The following SLCO4C1 variants were observed in gnomAD, a reference collection of about 807,000 sequenced individuals.
SLCO4C1 encodes solute carrier organic anion transporter family member 4C1.
A neutral mutation model predicts 72.1 loss-of-function variants in SLCO4C1; 58 were observed. That is an observed-to-expected ratio of 0.80 (90% CI 0.65 to 1.00). The LOEUF (loss-of-function observed/expected upper bound fraction) is 1.00. SLCO4C1 is among the 50% of genes least tolerant of loss of function. The pLI is 0.00. For synonymous variants in SLCO4C1, 297 were observed against 312.5 expected (o/e 0.95, Z 0.52); for missense variants, 898 against 857.9 (o/e 1.05, Z -0.58).
intron 8 of SLCO4C1, among the ~76,000 whole-genome samples, chr5:102,251,245 C>G (rs1481910800): frequency 6.6e-6 from 1 of 152,098 alleles, no homozygotes; most frequent in Non-Finnish European, 1.5e-5. Flanking sequence ...GAAAGTGACA[C>G]TGTCAAAAGT....
chr5:102,283,606 G>T (rs1361742021), intron 2 of SLCO4C1, among the ~76,000 whole-genome samples: 1 of 138,952 alleles, frequency 7.2e-6, no homozygotes, highest in Non-Finnish European at 1.6e-5. Flanking sequence ...AAAAAAAAAA[G>T]ACATTGCTTA....
chr5:102,278,095 C>A (rs1749281912), intron 2 of SLCO4C1, among the ~76,000 whole-genome samples: 1 of 151,986 alleles, frequency 6.6e-6, no homozygotes, highest in South Asian at 2.1e-4. Context: ...AACAACCCAA[C>A]TATGCCATCT....
chr5:102,281,508 C>A (rs1435067076), intron 2 of SLCO4C1, among the ~76,000 whole-genome samples: 1 of 151,946 alleles, frequency 6.6e-6, no homozygotes, highest in African/African-American at 2.4e-5. Context: ...AAAAGACATG[C>A]TACAGACTGG....
intron 8 of SLCO4C1, among the ~76,000 whole-genome samples, chr5:102,254,358 C>A (rs1748795529): frequency 1.3e-5 from 2 of 152,110 alleles, no homozygotes; most frequent in East Asian, 3.9e-4. Flanking sequence ...AGTACACGAT[C>A]AGTTTATGTC....
intron 1 of SLCO4C1, 55 bp from the exon 2 acceptor site, chr5:102,291,661 T>C: frequency 4.2e-6 from 6 of 1,430,338 alleles, no homozygotes; most frequent in Non-Finnish European, 4.8e-6. Context: ...ACGATTAAGA[T>C]TATTAACACA....
At chr5:102,277,126 T>C (rs576634831) in intron 2 of SLCO4C1, among the ~76,000 whole-genome samples, 1 of 152,162 alleles carries the variant, frequency 6.6e-6, no homozygotes, top group African/African-American at 2.4e-5. Context: ...AAGAAAATTA[T>C]CATCATTCTA....
chr5:102,266,085 C>T (rs1431980208), intron 3 of SLCO4C1, among the ~76,000 whole-genome samples: 2 of 151,818 alleles, frequency 1.3e-5, no homozygotes, highest in African/African-American at 4.8e-5. Flanking sequence ...ATATTACTTT[C>T]TTGATATATT....
intron 3 of SLCO4C1, among the ~76,000 whole-genome samples, chr5:102,270,298 T>C (rs2600832): frequency 0.75 from 114,434 of 151,918 alleles, 43,156 homozygotes; most frequent in Middle Eastern, 0.84. Context: ...CTACACCTTG[T>C]AGAGATTTGC....
chr5:102,248,899 C>G (rs1198498452), intron 9 of SLCO4C1, among the ~76,000 whole-genome samples: 3 of 152,030 alleles, frequency 2.0e-5, no homozygotes, highest in African/African-American at 7.2e-5. Context: ...GTACTGAGTT[C>G]TTTTAAACTA....
In SLCO4C1 at chr5:102,295,862, C is replaced by T. The variant is rs748211216; in HGVS notation, c.355+46G>A. Reference sequence around the variant, plus strand: ...TCCCCCGGCTGGCTCGCCGTGCCCACCTCGCTCTCCACTGGCCCGAGCCTC... The same window carrying T: ...TCCCCCGGCTGGCTCGCCGTGCCCATCTCGCTCTCCACTGGCCCGAGCCTC... On this transcript the variant is annotated intron_variant, in intron 1 of 12. Coordinates refer to ENST00000310954, the MANE Select transcript of SLCO4C1 (RefSeq NM_180991.5). 19 of 1,544,538 alleles carry T rather than the reference C, an allele frequency of 1.2e-5. No individual in the cohort carries two copies. The South Asian group carries it at 1.3e-4, about 11-fold the overall frequency.
intron 5 of SLCO4C1, among the ~76,000 whole-genome samples, chr5:102,261,461 TAAA>T (rs542691491): frequency 7.6e-6 from 1 of 131,018 alleles, no homozygotes. Flanking sequence ...TCACATACAG[TAAA>T]AAAAAAAAAA....
At chr5:102,272,948 A>G (rs1229135434) in intron 2 of SLCO4C1, among the ~76,000 whole-genome samples, 6 of 151,848 alleles carry the variant, frequency 4.0e-5, no homozygotes, top group South Asian at 2.1e-4. Context: ...TCATCTCAAA[A>G]AAAGAAAGAA....
intron 10 of SLCO4C1, among the ~76,000 whole-genome samples, chr5:102,246,241 C>T (rs180802231): frequency 6.6e-6 from 1 of 151,654 alleles, no homozygotes; most frequent in African/African-American, 2.4e-5. Context: ...AAAAATTAAA[C>T]AAAATTGACA....
In SLCO4C1 at chr5:102,266,464, A is replaced by G. The variant is rs575503240; in HGVS notation, c.803-2684T>C. The stretch of plus-strand genomic sequence containing the variant: ...CAGGAGTTCGAGACCAGTATGGCCA[A>G]CGTGGTGAAACCCTGTCTCTACTAA... On this transcript the variant is annotated intron_variant, in intron 3 of 12. Coordinates refer to ENST00000310954, the MANE Select transcript of SLCO4C1 (RefSeq NM_180991.5). Among the ~76,000 whole-genome samples, 5 of 152,272 alleles carry G rather than the reference A, an allele frequency of 3.3e-5. No individual in the cohort carries two copies. In the South Asian group the frequency reaches 1.0e-3, roughly 32 times the overall value.
At chr5:102,256,752 A>G (rs1748842924) in intron 8 of SLCO4C1, among the ~76,000 whole-genome samples, 2 of 152,202 alleles carry the variant, frequency 1.3e-5, no homozygotes, top group Admixed American at 1.3e-4. Context: ...TTTTTATCAT[A>G]ATTATGGAGT....
intron 12 of SLCO4C1, among the ~76,000 whole-genome samples, chr5:102,237,536 C>G (rs563079450): frequency 2.6e-4 from 39 of 152,192 alleles, no homozygotes; most frequent in Middle Eastern, 6.8e-3. Flanking sequence ...CGCTTCACCC[C>G]TAGAGGTGGA....
chr5:102,268,823 T>G (rs1423530402), intron 3 of SLCO4C1, among the ~76,000 whole-genome samples: 2 of 152,128 alleles, frequency 1.3e-5, no homozygotes, highest in African/African-American at 4.8e-5. Flanking sequence ...CTTTAAGCAT[T>G]TTTTGTAGGG....
At chr5:102,247,850 A>G (rs1198373094) in intron 9 of SLCO4C1, among the ~76,000 whole-genome samples, 1 of 151,838 alleles carries the variant, frequency 6.6e-6, no homozygotes, top group Non-Finnish European at 1.5e-5. Context: ...TTAAGGCCTC[A>G]ACGAATCAGA....
intron 8 of SLCO4C1, among the ~76,000 whole-genome samples, chr5:102,250,198 C>A (rs996989259): frequency 6.6e-6 from 1 of 152,108 alleles, no homozygotes; most frequent in Admixed American, 6.5e-5. Context: ...GTCCAGGATG[C>A]AGACAATATT....
Sources: allele counts gnomAD v4.1 joint callset (sites outside exome capture counted in the v4.1 genomes callset), GRCh38; gene constraint gnomAD v4.1.1; transcripts MANE v1.5; gene names NCBI Gene and HGNC (gene_info 2026-07-23, HGNC 2026-07-21).